The following ARFGEF3 variants were observed in gnomAD, a reference collection of about 807,000 sequenced individuals.
The protein encoded by ARFGEF3 is brefeldin A-inhibited guanine nucleotide-exchange protein 3.
ARFGEF3 carries 96 observed loss-of-function variants against 221.7 expected under a neutral mutation model. The observed-to-expected ratio is 0.43, with a 90% CI of 0.37 to 0.51. The LOEUF (loss-of-function observed/expected upper bound fraction) is 0.51. ARFGEF3 is among the 20% of genes least tolerant of loss of function. The probability of loss-of-function intolerance (pLI) is 0.00; values close to 1 mark genes in which losing one functional copy is unlikely to be tolerated. For synonymous variants in ARFGEF3, 1,145 were observed against 1,126.8 expected, an observed-to-expected ratio of 1.02 and a Z score of -0.32; for missense variants, 2,410 against 2,789.9, an observed-to-expected ratio of 0.86 and a Z score of 3.07.
At chr6:138,277,535 C>G (rs1418284330) in intron 12 of ARFGEF3, among the ~76,000 whole-genome samples, 1 of 152,188 alleles carries the variant, frequency 6.6e-6, no homozygotes, top group Non-Finnish European at 1.5e-5. Context: ...TTTCGAGAAA[C>G]ATTATTCCTT....
chr6:138,251,598 C>G (rs1778584371), intron 8 of ARFGEF3, among the ~76,000 whole-genome samples: 1 of 152,142 alleles, frequency 6.6e-6, no homozygotes, highest in Non-Finnish European at 1.5e-5. Flanking sequence ...CAGGACCCTT[C>G]CTGATCGGGC....
At position 138,209,762 on chromosome 6, in the gene ARFGEF3, AC is replaced by A; in HGVS notation, c.220-147del. 3 of 971,490 alleles carry A rather than the reference AC, an allele frequency of 3.1e-6. No homozygotes were observed. The South Asian group carries it at 5.5e-5, about 18-fold the overall frequency. 60.2% of individuals were successfully genotyped at this position (971,490 alleles called of 1,614,324 possible). A position where few individuals can be genotyped will look rare whatever the true frequency, so the allele number is the denominator to read the frequency against. On this transcript the variant is annotated intron_variant, in intron 3 of 33. Transcript: ENST00000251691. ...TGCCCTGGCCGCATTTTTCTTTTTA[AC>A]GGCACATAGCGTAAGTTCTTTCTTA...
chr6:138,196,415 A>G (rs1777423643), intron 2 of ARFGEF3, among the ~76,000 whole-genome samples: 1 of 152,258 alleles, frequency 6.6e-6, no homozygotes, highest in Non-Finnish European at 1.5e-5. Flanking sequence ...CAGTTGTAAC[A>G]CAATGGAAAG....
Position 138,261,701 on chromosome 6 carries a change from C to T in ARFGEF3, c.1217+62C>T, listed in dbSNP as rs1052543891. On this transcript the variant is annotated intron_variant, in intron 11 of 33. Coordinates refer to ENST00000251691, the MANE Select transcript of ARFGEF3 (RefSeq NM_020340.5). The stretch of plus-strand genomic sequence containing the variant: ...GCTTTTCTGAAGACTTTTAACCTTG[C>T]TTACAAGTCCCTGAAATTTTAAAAA... 3.8e-5 allele frequency: 34 copies of T among 902,354 alleles called. No homozygotes were observed. The South Asian group carries it at 8.6e-4, about 23-fold the overall frequency. 55.9% of individuals were successfully genotyped at this position (902,354 alleles called of 1,614,324 possible). A position where few individuals can be genotyped will look rare whatever the true frequency, so the allele number is the denominator to read the frequency against.
intron 12 of ARFGEF3, among the ~76,000 whole-genome samples, chr6:138,265,453 A>G (rs77244379): frequency 6.6e-6 from 1 of 151,938 alleles, no homozygotes; most frequent in Non-Finnish European, 1.5e-5. Flanking sequence ...CAAATTTTGG[A>G]TTTTTTTATT....
intron 2 of ARFGEF3, among the ~76,000 whole-genome samples, chr6:138,174,643 A>G (rs773509199): frequency 2.6e-5 from 4 of 152,120 alleles, no homozygotes; most frequent in Non-Finnish European, 5.9e-5. Flanking sequence ...CTGATTTTGA[A>G]TTCAGATTTA....
intron 2 of ARFGEF3, among the ~76,000 whole-genome samples, chr6:138,185,868 ATTG>A (rs1777174030): frequency 6.6e-6 from 1 of 152,214 alleles, no homozygotes; most frequent in South Asian, 2.1e-4. Flanking sequence ...ATTATGGCGT[ATTG>A]TTCTATGCCA....
rs368755966 is a variant in ARFGEF3, at chr6:138,323,737, G to A, written c.4833G>A (p.Leu1611=). 2 of 1,613,906 alleles carry A rather than the reference G, an allele frequency of 1.2e-6. No homozygotes were observed. The highest frequency in any genetic ancestry group is 2.7e-5 in the African/African-American group (2 of 74,938). ...TGTGGAGGCTTGCCTGCTGTGCCCTGCAAGATGCGTTCTCTGCCACACTCA... is the reference window on the plus strand; with the variant it reads ...TGTGGAGGCTTGCCTGCTGTGCCCTACAAGATGCGTTCTCTGCCACACTCA... ...EEMWRLACCA[L]QDAFSATLKP... Residue 1611 remains leucine, a synonymous_variant, in exon 30 of 34, where the codon CTG becomes CTA. Coordinates refer to ENST00000251691, the MANE Select transcript of ARFGEF3 (RefSeq NM_020340.5).
rs1780461862 is a variant in ARFGEF3, at chr6:138,343,332, T to C, written c.*6846T>C. 1 of 152,150 alleles carries C rather than the reference T, an allele frequency of 6.6e-6. No individual in the cohort carries two copies. The highest frequency in any genetic ancestry group is 1.5e-5 in the Non-Finnish European group (1 of 68,022). 9.4% of individuals were successfully genotyped at this position (152,150 alleles called of 1,614,324 possible). On this transcript the variant is annotated 3_prime_UTR_variant, in exon 34 of 34. Coordinates refer to ENST00000251691, the MANE Select transcript of ARFGEF3 (RefSeq NM_020340.5). Reference sequence around the variant, plus strand: ...ACTTCATTTAAATTAGTTTAGACTATTGTAGGAATGGAAGGAAATGATTAT... The same window carrying C: ...ACTTCATTTAAATTAGTTTAGACTACTGTAGGAATGGAAGGAAATGATTAT...
At chr6:138,211,381 T>C (rs146773467) in intron 4 of ARFGEF3, among the ~76,000 whole-genome samples, 1 of 152,324 alleles carries the variant, frequency 6.6e-6, no homozygotes, top group African/African-American at 2.4e-5. Context: ...TTTAACTCTC[T>C]TTGATTCTGG....
At chr6:138,239,220 G>A (rs947200420) in intron 6 of ARFGEF3, among the ~76,000 whole-genome samples, 20 of 152,198 alleles carry the variant, frequency 1.3e-4, no homozygotes, top group African/African-American at 4.8e-4. Flanking sequence ...GAATGTTAAT[G>A]AGAGAGTGAT....
chr6:138,323,931 T>C lies in ARFGEF3; in HGVS notation c.4870-92T>C, dbSNP rs373435333. The C allele has an allele frequency of 1.1e-5, 18 of 1,569,082 alleles. No homozygotes were observed. The East Asian group carries it at 2.0e-4, about 18-fold the overall frequency. On this transcript the variant is annotated intron_variant, in intron 30 of 33. Transcript: ENST00000251691. The stretch of plus-strand genomic sequence containing the variant: ...GAAAGAAGTTGCTGGGTCAGTACTT[T>C]TGTCTCAGACACAGTGACGATCTCA...
chr6:138,184,332 G>A (rs1189150609), intron 2 of ARFGEF3, among the ~76,000 whole-genome samples: 1 of 151,986 alleles, frequency 6.6e-6, no homozygotes, highest in Non-Finnish European at 1.5e-5. Context: ...GATTACATAA[G>A]ATGTAATCTT....
At chr6:138,320,203 G>A (rs79214792) in intron 28 of ARFGEF3, among the ~76,000 whole-genome samples, 7,462 of 152,166 alleles carry the variant, frequency 0.049, 195 homozygotes, top group African/African-American at 0.067. Flanking sequence ...AAGAAAAAAA[G>A]AAGAAGCAGC....
chr6:138,284,474 G>A (rs1029736953), intron 14 of ARFGEF3, among the ~76,000 whole-genome samples: 5 of 152,094 alleles, frequency 3.3e-5, no homozygotes, highest in African/African-American at 9.7e-5. Flanking sequence ...GGGCCTTGGC[G>A]AGCCTGACTC....
At chr6:138,217,164 G>A (rs1032521851) in intron 4 of ARFGEF3, 3 of 152,058 alleles carry the variant, frequency 2.0e-5, no homozygotes, top group Admixed American at 2.0e-4. Context: ...TCTTTTTAAA[G>A]CACCACCATT....
chr6:138,303,917 G>A (rs1779673138), intron 22 of ARFGEF3, among the ~76,000 whole-genome samples: 1 of 149,970 alleles, frequency 6.7e-6, no homozygotes, highest in South Asian at 2.2e-4. Flanking sequence ...TGAGGGAGGA[G>A]GTGGAGACAT....
intron 12 of ARFGEF3, among the ~76,000 whole-genome samples, chr6:138,269,721 C>T (rs1423682890): frequency 6.6e-6 from 1 of 152,040 alleles, no homozygotes; most frequent in Non-Finnish European, 1.5e-5. Context: ...GCAGTAGAAT[C>T]GCTTGAACCC....
At chr6:138,185,972 C>T (rs1436541358) in intron 2 of ARFGEF3, among the ~76,000 whole-genome samples, 1 of 152,194 alleles carries the variant, frequency 6.6e-6, no homozygotes, top group Non-Finnish European at 1.5e-5. Context: ...ATGATAAGGG[C>T]ACTGAGGCTT....
Sources: gnomAD v4.1 joint callset for allele counts (sites outside exome capture counted in the v4.1 genomes callset) on GRCh38, gnomAD v4.1.1 for gene constraint, MANE v1.5 for transcripts, NCBI Gene and HGNC (gene_info 2026-07-23, HGNC 2026-07-21) for gene names.